SH3TC2: variants seen among roughly 807,000 people sequenced by gnomAD.
The protein encoded by SH3TC2 is SH3 domain and tetratricopeptide repeat-containing protein 2.
SH3TC2 carries 87 observed loss-of-function variants against 124.5 expected under a neutral mutation model. The observed-to-expected ratio is 0.70, with a 90% CI of 0.59 to 0.84. The LOEUF is 0.84. SH3TC2 is among the 40% of genes least tolerant of loss of function. The pLI is 0.00. For missense variants in SH3TC2, 1,536 were observed against 1,566.4 expected, an observed-to-expected ratio of 0.98 and a Z score of 0.33; for synonymous variants, 634 against 628.5, an observed-to-expected ratio of 1.01 and a Z score of -0.13.
Position 149,028,382 on chromosome 5 carries a change from C to T in SH3TC2, c.1350G>A (p.Pro450=), listed in dbSNP as rs17722227. ...RLPEPDDLDD[P]ELLMDLSTGQ... The stretch of plus-strand genomic sequence containing the variant: ...CAGTGCTTAGGTCCATGAGCAGTTC[C>T]GGGTCATCAAGGTCATCAGGCTCCG... The change falls in exon 11 of 17, where the codon CCG becomes CCA. Residue 450 remains proline, a synonymous_variant. Coordinates refer to ENST00000515425, the MANE Select transcript of SH3TC2 (RefSeq NM_024577.4). The T allele has an allele frequency of 0.019, 29,964 of 1,614,122 alleles. 2,295 individuals are homozygous for T. The Admixed American group carries it at 0.23, about 12-fold the overall frequency.
chr5:149,046,571 C>G (rs1220252581), intron 3 of SH3TC2: 1 of 152,104 alleles, frequency 6.6e-6, no homozygotes, highest in African/African-American at 2.4e-5. Flanking sequence ...TCAAGGGGGC[C>G]AAGGCACAGA....
In SH3TC2 at chr5:148,983,147, G is replaced by T. The variant is rs1753277521; in HGVS notation, c.*21564C>A. Among the ~76,000 whole-genome samples, 1 of 152,182 alleles carries T rather than the reference G, an allele frequency of 6.6e-6. No individual in the cohort carries two copies. The highest frequency in any genetic ancestry group is 6.5e-5 in the Admixed American group (1 of 15,278). ...CTGTGGCTAGGCTTTACTTAATTTGGCTTAAAGCACATGCTGTATAAAACA... is the reference window on the plus strand; with the variant it reads ...CTGTGGCTAGGCTTTACTTAATTTGTCTTAAAGCACATGCTGTATAAAACA... On this transcript the variant is annotated 3_prime_UTR_variant, in exon 17 of 17. Coordinates refer to ENST00000515425, the MANE Select transcript of SH3TC2 (RefSeq NM_024577.4).
chr5:149,027,265 G>A lies in SH3TC2; in HGVS notation c.2467C>T (p.Leu823=). The part of the protein sequence containing the change: ...KKALDVLEPL[L]CSLKETESLT... Reference sequence around the variant, plus strand: ...CTCTCTGTCTCCTTCAGGGAGCATAGCAGTGGCTCAAGCACATCCAAAGCC... The same window carrying A: ...CTCTCTGTCTCCTTCAGGGAGCATAACAGTGGCTCAAGCACATCCAAAGCC... The change falls in exon 11 of 17, where the codon CTA becomes TTA. Residue 823 remains leucine, a synonymous_variant. Transcript: ENST00000515425. 6.2e-7 allele frequency: 1 copy of A among 1,614,164 alleles called. No individual in the cohort carries two copies. The highest frequency in any genetic ancestry group is 8.5e-7 in the Non-Finnish European group (1 of 1,180,050).
Position 148,992,745 on chromosome 5 carries a change from C to T in SH3TC2, c.*11966G>A, listed in dbSNP as rs1185990901. Reference sequence around the variant, plus strand: ...AAGGAGTGACAGAACTAGGTTCAGACCCCAGATCACCTGACCCCAATCCCA... The same window carrying T: ...AAGGAGTGACAGAACTAGGTTCAGATCCCAGATCACCTGACCCCAATCCCA... On this transcript the variant is annotated 3_prime_UTR_variant, in exon 17 of 17. Transcript: ENST00000515425. Among the ~76,000 whole-genome samples, 1 of 151,732 alleles carries T rather than the reference C, an allele frequency of 6.6e-6. No individual in the cohort carries two copies. The highest frequency in any genetic ancestry group is 2.4e-5 in the African/African-American group (1 of 41,304).
rs1753649291 is a variant in SH3TC2, at chr5:149,004,448, G to A, written c.*263C>T. The A allele has an allele frequency of 4.0e-5, 20 of 501,284 alleles. No individual in the cohort carries two copies. In the South Asian group the frequency reaches 5.2e-4, roughly 13 times the overall value. 31.1% of individuals were successfully genotyped at this position (501,284 alleles called of 1,614,324 possible). On this transcript the variant is annotated 3_prime_UTR_variant, in exon 17 of 17. Transcript: ENST00000515425. ...TTATGTATGGAGAAAGTGCTTTTCA[G>A]AGGCTGTTTGTGTGGAAGGCAACAG...
chr5:149,021,669 G>C (rs963427022), intron 12 of SH3TC2, among the ~76,000 whole-genome samples: 1 of 151,638 alleles, frequency 6.6e-6, no homozygotes, highest in Non-Finnish European at 1.5e-5. Flanking sequence ...AGATGAAATG[G>C]ACAAATTCCA....
rs185257638 is a variant in SH3TC2 at position 149,004,922 on chromosome 5, G to T, written c.3676-20C>A. On this transcript the variant is annotated intron_variant, in intron 16 of 16. Coordinates refer to ENST00000515425, the MANE Select transcript of SH3TC2 (RefSeq NM_024577.4). ...GGCATCCTAACCCCGTGGTATGGGG[G>T]CAAAGAAGAGACAGCATTAGCAAAC... The T allele has an allele frequency of 5.0e-5, 81 of 1,613,968 alleles. No homozygotes were observed. Among genetic ancestry groups the T allele is most frequent in the Non-Finnish European group, 7.6e-6 (9 of 1,179,898 alleles).
intron 2 of SH3TC2, 70 bp downstream of exon 2, chr5:149,052,072 T>C: frequency 1.8e-6 from 2 of 1,091,728 alleles, no homozygotes; most frequent in South Asian, 1.2e-5. Flanking sequence ...GCTCTTTAGA[T>C]GGGAAAGATA....
intron 3 of SH3TC2, 83 bp from the exon 4 acceptor site, chr5:149,044,721 T>C (rs1273016742): frequency 3.1e-6 from 3 of 982,720 alleles, no homozygotes; most frequent in Non-Finnish European, 4.8e-6. Context: ...ATACTCTGTA[T>C]GAACTTCTTG....
At chr5:149,020,681 A>T (rs188287307) in intron 12 of SH3TC2, among the ~76,000 whole-genome samples, 45 of 152,302 alleles carry the variant, frequency 3.0e-4, no homozygotes, top group African/African-American at 1.0e-3. Context: ...ATATCAGATA[A>T]AAAGACCAAA....
Position 148,982,406 on chromosome 5 carries a change from A to G in SH3TC2, c.*22305T>C, listed in dbSNP as rs996426249. Among the ~76,000 whole-genome samples the G allele has an allele frequency of 2.0e-5, 3 of 152,250 alleles. No homozygotes were observed. The highest frequency in any genetic ancestry group is 6.5e-5 in the Admixed American group (1 of 15,288). On this transcript the variant is annotated 3_prime_UTR_variant, in exon 17 of 17. Coordinates refer to ENST00000515425, the MANE Select transcript of SH3TC2 (RefSeq NM_024577.4). ...CTTTTGTGGAATTTTTCCTACATATATAATCACAATCACATGAAATGACAT... is the reference window on the plus strand; with the variant it reads ...CTTTTGTGGAATTTTTCCTACATATGTAATCACAATCACATGAAATGACAT...
intron 1 of SH3TC2, among the ~76,000 whole-genome samples, chr5:149,054,905 A>C (rs555261247): frequency 6.6e-6 from 1 of 152,332 alleles, no homozygotes; most frequent in Admixed American, 6.5e-5. Flanking sequence ...GAAGAAGGGA[A>C]GTCAAGGATG....
chr5:148,994,483 A>G lies in SH3TC2; in HGVS notation c.*10228T>C, dbSNP rs1294372251. Reference sequence around the variant, plus strand: ...TGCCCTGGAGCCCATAGGACTTATGAAGACAGGGACTGTCATTATCTTGCT... The same window carrying G: ...TGCCCTGGAGCCCATAGGACTTATGGAGACAGGGACTGTCATTATCTTGCT... On this transcript the variant is annotated 3_prime_UTR_variant, in exon 17 of 17. Coordinates refer to ENST00000515425, the MANE Select transcript of SH3TC2 (RefSeq NM_024577.4). Among the ~76,000 whole-genome samples the G allele has an allele frequency of 2.6e-5, 4 of 152,224 alleles. No homozygotes were observed. Among genetic ancestry groups the G allele is most frequent in the Admixed American group, 2.0e-4 (3 of 15,278 alleles).
intron 3 of SH3TC2, 70 bp downstream of exon 3, chr5:149,047,792 G>C: frequency 6.3e-7 from 1 of 1,596,822 alleles, no homozygotes; most frequent in Non-Finnish European, 8.6e-7. Context: ...TGCTGTCTTA[G>C]ATGCTAGGGA....
At chr5:149,010,444 T>G in intron 13 of SH3TC2, 52 bp from the exon 14 acceptor site, 1 of 1,610,902 alleles carries the variant, frequency 6.2e-7, no homozygotes, top group Non-Finnish European at 8.5e-7. Context: ...CTTCCTGACC[T>G]CCACAGGACT....
At position 149,010,504 on chromosome 5, in the gene SH3TC2, T is replaced by C. The variant is rs1753766240; in HGVS notation, c.3205-112A>G. ...TAAATCAACTAATCCTCTGCTAAAG[T>C]CCCCCAAATCCTAAATGTCTTCACA... On this transcript the variant is annotated intron_variant, in intron 13 of 16. Coordinates refer to ENST00000515425, the MANE Select transcript of SH3TC2 (RefSeq NM_024577.4). 3 of 1,423,020 alleles carry C rather than the reference T, an allele frequency of 2.1e-6. No homozygotes were observed. The South Asian group carries it at 3.7e-5, about 18-fold the overall frequency. The allele number at this position is 1,423,020 out of a possible 1,614,324, so 88.1% of individuals were successfully genotyped here. A position where few individuals can be genotyped will look rare whatever the true frequency, so the allele number is the denominator to read the frequency against.
Position 148,996,251 on chromosome 5 carries a change from C to A in SH3TC2, c.*8460G>T, listed in dbSNP as rs1462322978. Among the ~76,000 whole-genome samples the A allele has an allele frequency of 2.0e-5, 3 of 151,712 alleles. No individual in the cohort carries two copies. Among genetic ancestry groups the A allele is most frequent in the Admixed American group, 6.6e-5 (1 of 15,234 alleles). Reference sequence around the variant, plus strand: ...CTCCAGCCTGGGCAACAGAGTGAGACCCTGCCTAAATAAGAGAGAAAGAGA... The same window carrying A: ...CTCCAGCCTGGGCAACAGAGTGAGAACCTGCCTAAATAAGAGAGAAAGAGA... On this transcript the variant is annotated 3_prime_UTR_variant, in exon 17 of 17. Coordinates refer to ENST00000515425, the MANE Select transcript of SH3TC2 (RefSeq NM_024577.4).
intron 1 of SH3TC2, among the ~76,000 whole-genome samples, chr5:149,060,909 C>T (rs1042917617): frequency 6.6e-6 from 1 of 152,208 alleles, no homozygotes; most frequent in Non-Finnish European, 1.5e-5. Flanking sequence ...GGTCACACAA[C>T]TATTAAGTTG....
At chr5:149,047,619 G>A (rs780740878) in intron 3 of SH3TC2, 17 of 496,918 alleles carry the variant, frequency 3.4e-5, no homozygotes, top group Non-Finnish European at 5.6e-5. Context: ...ACAACTAATA[G>A]AATATTTGAA....
Sources: allele counts gnomAD v4.1 joint callset (sites outside exome capture counted in the v4.1 genomes callset), GRCh38; gene constraint gnomAD v4.1.1; transcripts MANE v1.5; gene names NCBI Gene and HGNC (gene_info 2026-07-23, HGNC 2026-07-21).